The following DOCK1 variants were observed in gnomAD, a reference collection of about 807,000 sequenced individuals.
The protein encoded by DOCK1 is dedicator of cytokinesis protein 1.
A neutral mutation model predicts 262.7 loss-of-function variants in DOCK1; 138 were observed. The ratio of observed to expected loss-of-function variants is 0.53; its 90% CI spans 0.46 to 0.61. The LOEUF (loss-of-function observed/expected upper bound fraction) is 0.61, where lower values mean the gene tolerates loss of function less well. Ranked by LOEUF, DOCK1 falls within the 20% of genes least tolerant of loss-of-function variation. The probability of loss-of-function intolerance (pLI) is 0.00; values close to 1 mark genes in which losing one functional copy is unlikely to be tolerated. For missense variants in DOCK1, 1,908 were observed against 2,370.7 expected (o/e 0.80, Z 4.05); for synonymous variants, 866 against 867.4 (o/e 1.00, Z 0.03).
At chr10:127,409,952 C>T (rs1156277051) in intron 42 of DOCK1, among the ~76,000 whole-genome samples, 1 of 152,212 alleles carries the variant, frequency 6.6e-6, no homozygotes, top group Non-Finnish European at 1.5e-5. Flanking sequence ...TTCTGCCTGT[C>T]AGTTGTATCG....
chr10:127,137,903 TGAG>T (rs1377593314), intron 27 of DOCK1: 6 of 1,614,210 alleles, frequency 3.7e-6, no homozygotes, highest in Non-Finnish European at 4.2e-6. Flanking sequence ...GCTTGGGAGT[TGAG>T]GAGTAAGTCT....
chr10:127,440,466 G>A (rs1414345659), intron 49 of DOCK1, among the ~76,000 whole-genome samples: 1 of 152,164 alleles, frequency 6.6e-6, no homozygotes. Flanking sequence ...TAAAGAAGGA[G>A]TTCTCATGGG....
chr10:127,343,744 C>T lies in DOCK1; in HGVS notation c.3222C>T (p.Asn1074=). 1 of 1,602,324 alleles carries T rather than the reference C, an allele frequency of 6.2e-7. No homozygotes were observed. Among genetic ancestry groups the T allele is most frequent in the Non-Finnish European group, 8.5e-7 (1 of 1,174,068 alleles). Residue 1074 remains asparagine (N), a splice_region_variant and synonymous_variant, in exon 31 of 52, where the codon AAC becomes AAT. Transcript: ENST00000623213. ...GTGCCAAGAGAGCCAAAATCCTTAA[C>T]AAGTAAGTTCTCATCTAGCTCTGAA... ...FSSAKRAKIL[N]KYGDMRRQIG...
At chr10:127,339,552 C>A (rs1590558917) in intron 30 of DOCK1, among the ~76,000 whole-genome samples, 1 of 150,382 alleles carries the variant, frequency 6.6e-6, no homozygotes, top group Non-Finnish European at 1.5e-5. Flanking sequence ...GACCCTGCCC[C>A]CCAGACCCCA....
chr10:127,241,353 GT>G (rs951255413), intron 27 of DOCK1, among the ~76,000 whole-genome samples: 1 of 152,022 alleles, frequency 6.6e-6, no homozygotes, highest in South Asian at 2.1e-4. Flanking sequence ...TATTATTGTA[GT>G]TTTTTTACTT....
intron 38 of DOCK1, among the ~76,000 whole-genome samples, chr10:127,385,764 G>A (rs191034063): frequency 1.1e-3 from 163 of 152,302 alleles, no homozygotes; most frequent in Admixed American, 2.7e-3. Flanking sequence ...TTTCCTTTGG[G>A]TGTGTTGCTG....
At chr10:127,060,367 A>G (rs1262672353) in intron 22 of DOCK1, among the ~76,000 whole-genome samples, 3 of 152,152 alleles carry the variant, frequency 2.0e-5, no homozygotes, top group Non-Finnish European at 2.9e-5. Flanking sequence ...ACCCCATTTG[A>G]AAACCCTTAT....
rs149519609 is a variant in DOCK1, at chr10:127,204,577, G to A, written c.2848-43431G>A. Among the ~76,000 whole-genome samples the A allele has an allele frequency of 4.4e-3, 676 of 152,170 alleles. 6 individuals carry two copies. Among genetic ancestry groups the A allele is most frequent in the African/African-American group, 0.015 (628 of 41,512 alleles). ...GCTGGGATCACTGGCGTGAGCCACC[G>A]TGCCTGACCGTTTTTTTAAAAAAAA... On this transcript the variant is annotated intron_variant, in intron 27 of 51. Coordinates refer to ENST00000623213, the MANE Select transcript of DOCK1 (RefSeq NM_001290223.2).
intron 27 of DOCK1, chr10:127,192,754 A>G (rs578108748): frequency 3.3e-4 from 51 of 152,336 alleles, no homozygotes; most frequent in African/African-American, 1.1e-3. Context: ...ATTATCACAC[A>G]TGGTCCAAAG....
chr10:127,376,893 A>G (rs1024991799), intron 35 of DOCK1, among the ~76,000 whole-genome samples: 1 of 152,242 alleles, frequency 6.6e-6, no homozygotes, highest in Non-Finnish European at 1.5e-5. Flanking sequence ...ATCTAGGGTC[A>G]GGAAACAAAC....
intron 23 of DOCK1, among the ~76,000 whole-genome samples, chr10:127,078,993 TTTTG>T (rs746424552): frequency 2.0e-5 from 3 of 152,212 alleles, no homozygotes; most frequent in Non-Finnish European, 2.9e-5. Flanking sequence ...ATCCCTTGCT[TTTTG>T]TTTGTTTAAT....
At chr10:127,108,686 G>C (rs558985068) in intron 24 of DOCK1, among the ~76,000 whole-genome samples, 1 of 152,224 alleles carries the variant, frequency 6.6e-6, no homozygotes, top group East Asian at 1.9e-4. Flanking sequence ...CATCATCATT[G>C]TTAGTAACTT....
chr10:127,445,662 T>C (rs2070491904), intron 50 of DOCK1, among the ~76,000 whole-genome samples: 1 of 152,224 alleles, frequency 6.6e-6, no homozygotes, highest in East Asian at 1.9e-4. Context: ...CTTCTAGGCC[T>C]GTACTCCAAA....
intron 38 of DOCK1, among the ~76,000 whole-genome samples, chr10:127,386,928 A>G (rs1365429278): frequency 6.6e-6 from 1 of 152,212 alleles, no homozygotes; most frequent in Non-Finnish European, 1.5e-5. Context: ...TAGGTTAGCC[A>G]GGAGAATCCT....
intron 27 of DOCK1, among the ~76,000 whole-genome samples, chr10:127,243,780 G>A (rs561446942): frequency 1.3e-5 from 2 of 152,228 alleles, no homozygotes; most frequent in South Asian, 4.2e-4. Flanking sequence ...TAGATCAGGG[G>A]CAGGCAGGGA....
chr10:127,026,977 A>G (rs1240920705), intron 16 of DOCK1, among the ~76,000 whole-genome samples: 1 of 152,252 alleles, frequency 6.6e-6, no homozygotes, highest in East Asian at 1.9e-4. Context: ...ATTTTGTTAA[A>G]TTAATTGTCA....
chr10:127,354,801 C>A lies in DOCK1; in HGVS notation c.3283+74C>A, dbSNP rs2064059935. The A allele has an allele frequency of 1.9e-6, 3 of 1,576,054 alleles. No individual in the cohort carries two copies. In the South Asian group the frequency reaches 3.3e-5, roughly 18 times the overall value. ...GGGTCATGGCACTGGCCGTGTTCAT[C>A]AGTGTTGGGATGTCTTAAGATCTTA... On this transcript the variant is annotated intron_variant, in intron 32 of 51. Transcript: ENST00000623213.
intron 1 of DOCK1, among the ~76,000 whole-genome samples, chr10:126,946,948 C>T (rs2035459749): frequency 1.3e-5 from 2 of 152,300 alleles, no homozygotes; most frequent in African/African-American, 2.4e-5. Context: ...ATCAGACGCT[C>T]ATTGTGAAGC....
At chr10:127,327,736 G>A (rs1020202586) in intron 29 of DOCK1, among the ~76,000 whole-genome samples, 1 of 152,138 alleles carries the variant, frequency 6.6e-6, no homozygotes, top group Non-Finnish European at 1.5e-5. Context: ...TTGAACAGCT[G>A]GTAGGACCCA....
Sources: gnomAD v4.1 joint callset for allele counts (sites outside exome capture counted in the v4.1 genomes callset) on GRCh38, gnomAD v4.1.1 for gene constraint, MANE v1.5 for transcripts, NCBI Gene and HGNC (gene_info 2026-07-23, HGNC 2026-07-21) for gene names.